PTPRZ1: variants seen among roughly 807,000 people sequenced by gnomAD.
PTPRZ1 encodes protein tyrosine phosphatase receptor type Z1.
Under a neutral mutation model 214.1 loss-of-function variants are expected in PTPRZ1, and 82 were observed. The ratio of observed to expected loss-of-function variants is 0.38; its 90% confidence interval spans 0.32 to 0.46. PTPRZ1 has a LOEUF of 0.46. PTPRZ1 is among the 20% of genes least tolerant of loss of function. The probability of loss-of-function intolerance (pLI) is 1.00; values close to 1 mark genes in which losing one functional copy is unlikely to be tolerated. For synonymous variants in PTPRZ1, 945 were observed against 987.9 expected (o/e 0.96, Z 0.81); for missense variants, 2,603 against 2,748.7 (o/e 0.95, Z 1.19).
chr7:122,011,781 G>A lies in PTPRZ1; in HGVS notation c.2735G>A (p.Ser912Asn), dbSNP rs1457094295. The change falls in exon 12 of 30, where the codon AGC becomes AAC. Residue 912 changes from serine to asparagine, a missense_variant. By Grantham distance (46) the Ser-to-Asn change is conservative. Around this residue, in one of 6 missense-constraint regions of PTPRZ1, gnomAD observed 1,913 missense variants for 1,914.3 expected, o/e 1.00. Transcript: ENST00000393386. Reference protein sequence around the residue: ...TLMFSQVEPPSSDAMMHARSS... With the variant: ...TLMFSQVEPPNSDAMMHARSS... Reference sequence around the variant, plus strand: ...ATGTTTTCTCAAGTTGAACCACCCAGCAGTGATGCCATGATGCATGCACGT... The same window carrying A: ...ATGTTTTCTCAAGTTGAACCACCCAACAGTGATGCCATGATGCATGCACGT... 3.1e-6 allele frequency: 5 copies of A among 1,614,116 alleles called. 1 individual carries two copies. In the South Asian group the frequency reaches 4.4e-5, roughly 14 times the overall value.
chr7:122,049,873 A>G (rs1792113858), intron 23 of PTPRZ1, among the ~76,000 whole-genome samples: 1 of 152,172 alleles, frequency 6.6e-6, no homozygotes, highest in South Asian at 2.1e-4. Context: ...TGTACTGTAT[A>G]TGGAAGACTT....
chr7:122,019,836 A>C (rs1048453616), intron 13 of PTPRZ1, among the ~76,000 whole-genome samples: 2 of 152,292 alleles, frequency 1.3e-5, no homozygotes, highest in South Asian at 4.1e-4. Flanking sequence ...CTTCGCTGTC[A>C]ATAATCTATT....
intron 27 of PTPRZ1, among the ~76,000 whole-genome samples, chr7:122,057,175 A>C (rs1044356780): frequency 3.3e-5 from 5 of 151,816 alleles, no homozygotes; most frequent in African/African-American, 9.7e-5. Flanking sequence ...ATCATCTTCA[A>C]CTTTCTTTAA....
intron 1 of PTPRZ1, among the ~76,000 whole-genome samples, chr7:121,895,898 G>A (rs976443514): frequency 2.6e-5 from 4 of 152,020 alleles, no homozygotes; most frequent in African/African-American, 7.2e-5. Context: ...ATATTATTTC[G>A]TTGCACTTGG....
At chr7:121,878,715 T>C (rs1224130085) in intron 1 of PTPRZ1, among the ~76,000 whole-genome samples, 1 of 152,202 alleles carries the variant, frequency 6.6e-6, no homozygotes, top group Non-Finnish European at 1.5e-5. Flanking sequence ...CCACATTATT[T>C]GAGGGTAAAG....
chr7:122,037,221 G>C (rs1013517616), intron 18 of PTPRZ1, among the ~76,000 whole-genome samples: 2 of 151,602 alleles, frequency 1.3e-5, no homozygotes, highest in African/African-American at 4.9e-5. Context: ...TTTGCAGTGA[G>C]CCGAGATCGC....
chr7:122,016,582 T>C (rs1321633437), intron 12 of PTPRZ1, among the ~76,000 whole-genome samples: 1 of 151,950 alleles, frequency 6.6e-6, no homozygotes, highest in African/African-American at 2.4e-5. Context: ...CAGAGCACTT[T>C]TGAGAAAAGT....
chr7:121,968,529 A>G (rs1797113150), intron 3 of PTPRZ1, among the ~76,000 whole-genome samples: 1 of 152,160 alleles, frequency 6.6e-6, no homozygotes, highest in South Asian at 2.1e-4. Flanking sequence ...AATTGGCTAT[A>G]ATTGAAATTT....
intron 1 of PTPRZ1, among the ~76,000 whole-genome samples, chr7:121,892,078 T>A (rs1464386224): frequency 6.6e-6 from 1 of 152,200 alleles, no homozygotes; most frequent in Non-Finnish European, 1.5e-5. Context: ...ATTATTTGTA[T>A]TTTTTATGTC....
At chr7:122,061,029 T>G (rs1327447760) in intron 29 of PTPRZ1, 51 bp from the exon 30 acceptor site, 1 of 1,504,854 alleles carries the variant, frequency 6.6e-7, no homozygotes, top group Non-Finnish European at 9.0e-7. Context: ...TTTACAAATG[T>G]ATGTCTTCAC....
chr7:121,892,285 A>G (rs191713877), intron 1 of PTPRZ1, among the ~76,000 whole-genome samples: 6 of 152,228 alleles, frequency 3.9e-5, no homozygotes, highest in African/African-American at 1.4e-4. Flanking sequence ...TTTTTCTTAC[A>G]AAACATATGG....
chr7:122,054,792 G>C (rs1043782142), intron 26 of PTPRZ1, 149 bp from the exon 27 acceptor site: 64 of 721,156 alleles, frequency 8.9e-5, no homozygotes, highest in Middle Eastern at 4.1e-4. Flanking sequence ...CTAGTTGAAG[G>C]CACGAGAAAG....
chr7:121,938,177 TAAC>T (rs755054781), intron 2 of PTPRZ1, among the ~76,000 whole-genome samples: 25 of 152,132 alleles, frequency 1.6e-4, no homozygotes, highest in Non-Finnish European at 3.2e-4. Flanking sequence ...ATAAATGTAA[TAAC>T]AACAACAACA....
At chr7:121,995,811 C>A (rs1180956887) in intron 8 of PTPRZ1, among the ~76,000 whole-genome samples, 1 of 152,106 alleles carries the variant, frequency 6.6e-6, no homozygotes, top group East Asian at 1.9e-4. Flanking sequence ...AATAGTATGT[C>A]TTTCATAATT....
At chr7:121,937,132 T>G (rs986939166) in intron 2 of PTPRZ1, among the ~76,000 whole-genome samples, 1 of 152,210 alleles carries the variant, frequency 6.6e-6, no homozygotes, top group Non-Finnish European at 1.5e-5. Context: ...TTACAACAGC[T>G]GCACGTATTC....
rs567515903 is a variant in PTPRZ1, at chr7:121,948,745, G to A, written c.125-19206G>A. ...ACCTCACAGTGATGCTGTGAGGTTG[G>A]TCCTCATACAATCCATTTTTTTTTT... On this transcript the variant is annotated intron_variant, in intron 2 of 29. Transcript: ENST00000393386. 4.9e-5 allele frequency among the ~76,000 whole-genome samples: 7 copies of A among 142,830 alleles called. No homozygotes were observed. In the East Asian group the frequency reaches 1.5e-3, roughly 30 times the overall value. The allele number at this position is 142,830 out of a possible 152,430, so 93.7% of individuals were successfully genotyped here.
At chr7:121,922,935 C>T (rs780876951) in intron 1 of PTPRZ1, among the ~76,000 whole-genome samples, 10 of 152,182 alleles carry the variant, frequency 6.6e-5, no homozygotes, top group Non-Finnish European at 1.2e-4. Flanking sequence ...ATATGAAATA[C>T]ATTCAATGCC....
rs202164862 is a variant in PTPRZ1 at position 122,034,076 on chromosome 7, G to T, written c.5167-19G>T. 10 of 1,578,522 alleles carry T rather than the reference G, an allele frequency of 6.3e-6. No homozygotes were observed. Among genetic ancestry groups the T allele is most frequent in the African/African-American group, 5.4e-5 (4 of 73,776 alleles). On this transcript the variant is annotated intron_variant, in intron 15 of 29. Transcript: ENST00000393386. ...GGAATTTGATTTCTTTACTTTTTTG[G>T]CATTCATTCCCTCATTAGACACTGA...
intron 1 of PTPRZ1, among the ~76,000 whole-genome samples, chr7:121,917,808 A>T (rs1253954010): frequency 6.6e-6 from 1 of 152,182 alleles, no homozygotes; most frequent in Non-Finnish European, 1.5e-5. Flanking sequence ...AAGTGAAAAG[A>T]GGCATAAAAA....
Sources: allele counts gnomAD v4.1 joint callset (sites outside exome capture counted in the v4.1 genomes callset), GRCh38; gene constraint gnomAD v4.1.1; regional missense constraint gnomAD v4.1.1; transcripts MANE v1.5; gene names NCBI Gene and HGNC (gene_info 2026-07-23, HGNC 2026-07-21).